NWD1: variants seen among roughly 807,000 people sequenced by gnomAD.
The protein encoded by NWD1 is NACHT domain- and WD repeat-containing protein 1.
In NWD1, 129 loss-of-function variants were observed where a neutral mutation model predicts 135.1. The ratio of observed to expected loss-of-function variants is 0.96; its 90% CI spans 0.83 to 1.11. The LOEUF (loss-of-function observed/expected upper bound fraction) is 1.11, where lower values mean the gene tolerates loss of function less well. Ranked by LOEUF, NWD1 falls within the 50% of genes least tolerant of loss-of-function variation. The pLI is 0.00. For synonymous variants in NWD1, 773 were observed against 786.0 expected (o/e 0.98, Z 0.28); for missense variants, 1,740 against 1,851.3 (o/e 0.94, Z 1.10).
rs748084052 is a variant in NWD1, at chr19:16,815,341, T to TA, written c.*309dup. ...GCCTGATAGTGTAAAAAAATAAAAATAAAAAAACCCTGTGGGGGTATGGGG... is the reference window on the plus strand; with the variant it reads ...GCCTGATAGTGTAAAAAAATAAAAATAAAAAAAACCCTGTGGGGGTATGGGG... On this transcript the variant is annotated 3_prime_UTR_variant, in exon 19 of 19. Transcript: ENST00000524140. 6 of 735,178 alleles carry TA rather than the reference T, an allele frequency of 8.2e-6. No individual in the cohort carries two copies. Among genetic ancestry groups the TA allele is most frequent in the Middle Eastern group, 2.6e-4 (1 of 3,828 alleles). The allele number at this position is 735,178 out of a possible 1,614,324, so 45.5% of individuals were successfully genotyped here.
intron 17 of NWD1, among the ~76,000 whole-genome samples, chr19:16,806,028 AC>A (rs1329247308): frequency 3.9e-5 from 6 of 152,086 alleles, no homozygotes; most frequent in African/African-American, 1.4e-4. Context: ...GCCTGCCACC[AC>A]GCCTGGTTAA....
At chr19:16,757,265 A>T (rs983905433) in intron 6 of NWD1, among the ~76,000 whole-genome samples, 1 of 151,990 alleles carries the variant, frequency 6.6e-6, no homozygotes, top group Non-Finnish European at 1.5e-5. Flanking sequence ...TCCCCACCCT[A>T]AAAAATGATC....
chr19:16,746,800 C>T, intron 5 of NWD1, among the ~76,000 whole-genome samples: 1 of 151,912 alleles, frequency 6.6e-6, no homozygotes, highest in Non-Finnish European at 1.5e-5. Context: ...ACAAAAATCA[C>T]AAGGAAGAGA....
In NWD1 at chr19:16,799,871, G is replaced by C. The variant is rs764794307; in HGVS notation, c.3460-15G>C. 1.2e-5 allele frequency: 19 copies of C among 1,586,796 alleles called. No homozygotes were observed. The highest frequency in any genetic ancestry group is 1.5e-5 in the Non-Finnish European group (17 of 1,166,022). ...CAGAAGATGTCAGATCTGCCCTCCT[G>C]TTCTGCTTCCTCAGGTGTGGAGTCT... On this transcript the variant is annotated splice_polypyrimidine_tract_variant and intron_variant, in intron 16 of 18. Coordinates refer to ENST00000524140, the MANE Select transcript of NWD1 (RefSeq NM_001007525.5).
chr19:16,766,773 A>T (rs1455370189), intron 10 of NWD1, among the ~76,000 whole-genome samples: 1 of 151,990 alleles, frequency 6.6e-6, no homozygotes, highest in Non-Finnish European at 1.5e-5. Context: ...TTTTGTAGAG[A>T]CGGGATTTTG....
At chr19:16,793,327 G>A (rs1268479044) in intron 14 of NWD1, among the ~76,000 whole-genome samples, 8 of 151,750 alleles carry the variant, frequency 5.3e-5, no homozygotes, top group South Asian at 2.1e-4. Context: ...TCGACCTCCC[G>A]GGCTCAAGAC....
At chr19:16,783,437 C>A (rs1391947321) in intron 12 of NWD1, among the ~76,000 whole-genome samples, 2 of 152,034 alleles carry the variant, frequency 1.3e-5, no homozygotes, top group African/African-American at 4.8e-5. Context: ...GAGTTTGAGA[C>A]CAGCCTGGCT....
chr19:16,748,385 AT>A (rs899585414), intron 5 of NWD1, among the ~76,000 whole-genome samples: 11 of 152,084 alleles, frequency 7.2e-5, no homozygotes, highest in South Asian at 4.1e-4. Flanking sequence ...GTTTTCAGGT[AT>A]TTTCAGCAGA....
rs749002654 is a variant in NWD1 at position 16,815,285 on chromosome 19, G to A, written c.*246G>A. 2.6e-6 allele frequency: 2 copies of A among 781,068 alleles called. No homozygotes were observed. Among genetic ancestry groups the A allele is most frequent in the Non-Finnish European group, 4.8e-6 (2 of 418,174 alleles). 48.4% of individuals were successfully genotyped at this position (781,068 alleles called of 1,614,324 possible). ...GGAGTCAGAAAGTGCCCAGGGAAAT[G>A]AAACCAAATCAAACAAATGCTCACA... On this transcript the variant is annotated 3_prime_UTR_variant, in exon 19 of 19. Transcript: ENST00000524140.
At chr19:16,779,615 A>G in intron 12 of NWD1, 150 bp downstream of exon 12, 1 of 705,418 alleles carries the variant, frequency 1.4e-6, no homozygotes, top group Non-Finnish European at 2.4e-6. Flanking sequence ...AACCATCCCC[A>G]AACACAGTAG....
intron 16 of NWD1, among the ~76,000 whole-genome samples, chr19:16,798,851 T>G (rs1043147844): frequency 6.6e-5 from 10 of 151,864 alleles, no homozygotes; most frequent in African/African-American, 2.4e-4. Flanking sequence ...GGTCTCAAAC[T>G]CCTGACCTCA....
intron 13 of NWD1, among the ~76,000 whole-genome samples, chr19:16,790,946 C>G (rs1003513038): frequency 6.6e-6 from 1 of 152,012 alleles, no homozygotes; most frequent in African/African-American, 2.4e-5. Context: ...AAATAAAATG[C>G]ATAGGCCGGG....
At chr19:16,760,235 A>G (rs1266170878) in intron 7 of NWD1, among the ~76,000 whole-genome samples, 2 of 34,294 alleles carry the variant, frequency 5.8e-5, no homozygotes, top group South Asian at 3.4e-3. Context: ...TCACCATTTT[A>G]TTTTATTTTA....
chr19:16,791,446 G>T lies in NWD1; in HGVS notation c.3037G>T (p.Ala1013Ser). Residue 1013 changes from alanine to serine, a missense_variant, in exon 14 of 19, where the codon GCC (alanine) becomes TCC (serine). Coordinates refer to ENST00000524140, the MANE Select transcript of NWD1 (RefSeq NM_001007525.5). ...GTGCATGGCCGTGCTGGCCTCCCAG[G>T]CCACACTGCTGACAGTGTCCAGGGA... ...WMCMAVLASQ[A>S]TLLTVSRDGV... 1 of 1,614,098 alleles carries T rather than the reference G, an allele frequency of 6.2e-7. No individual in the cohort carries two copies. The highest frequency in any genetic ancestry group is 8.5e-7 in the Non-Finnish European group (1 of 1,180,012).
chr19:16,776,646 G>T (rs1969610694), intron 11 of NWD1, among the ~76,000 whole-genome samples: 1 of 150,842 alleles, frequency 6.6e-6, no homozygotes, highest in East Asian at 2.0e-4. Context: ...AAAGTAAAAG[G>T]GGCTGAGCAC....
At position 16,744,440 on chromosome 19, in the gene NWD1, A is replaced by G. The variant is rs778255360; in HGVS notation, c.218A>G (p.Tyr73Cys). ...PAFVALIGDQ[Y>C]GPCLIPSRID... ...TGCCAGGCCCTCATCGGTGATCAGT[A>G]CGGCCCCTGTCTGATTCCCTCGCGG... is the stretch of plus-strand genomic sequence containing the variant. Residue 73 changes from tyrosine (Y) to cysteine (C), a missense_variant, in exon 5 of 19, where the codon TAC becomes TGC. Coordinates refer to ENST00000524140, the MANE Select transcript of NWD1 (RefSeq NM_001007525.5). The G allele has an allele frequency of 4.6e-6, 7 of 1,535,724 alleles. No homozygotes were observed. In the South Asian group the frequency reaches 7.1e-5, roughly 16 times the overall value.
chr19:16,764,463 A>T (rs1386657091), intron 9 of NWD1, among the ~76,000 whole-genome samples: 1 of 147,658 alleles, frequency 6.8e-6, no homozygotes, highest in Non-Finnish European at 1.5e-5. Context: ...TGAGCTGGTT[A>T]TAACCATCCA....
At position 16,791,376 on chromosome 19, in the gene NWD1, A is replaced by G; in HGVS notation, c.2967A>G (p.Ala989=). The change falls in exon 14 of 19, where the codon GCA becomes GCG. Residue 989 remains alanine, a synonymous_variant. Coordinates refer to ENST00000524140, the MANE Select transcript of NWD1 (RefSeq NM_001007525.5). ...SKINAWNLET[A]EPVFHILGDA... The stretch of plus-strand genomic sequence containing the variant: ...TCAATGCTTGGAATCTGGAAACTGC[A>G]GAGCCGGTATTCCATATCCTGGGAG... The G allele has an allele frequency of 6.2e-7, 1 of 1,614,058 alleles. No homozygotes were observed. The highest frequency in any genetic ancestry group is 8.5e-7 in the Non-Finnish European group (1 of 1,180,002).
In NWD1 at chr19:16,807,695, C is replaced by A. The variant is rs761897363; in HGVS notation, c.3846C>A (p.Phe1282Leu). 1.9e-6 allele frequency: 3 copies of A among 1,612,750 alleles called. No individual in the cohort carries two copies. Among genetic ancestry groups the A allele is most frequent in the African/African-American group, 2.7e-5 (2 of 74,962 alleles). Reference sequence around the variant, plus strand: ...TCGTGTCGGGGGTCGTCCTTGTGTTCCCCCTGAATTCCAGGCAGGACGTGA... The same window carrying A: ...TCGTGTCGGGGGTCGTCCTTGTGTTACCCCTGAATTCCAGGCAGGACGTGA... ...TGLVSGVVLV[F>L]PLNSRQDVIC... is the part of the protein sequence containing the mutation. Residue 1282 changes from phenylalanine to leucine, a missense_variant, in exon 18 of 19, where the codon TTC becomes TTA. Coordinates refer to ENST00000524140, the MANE Select transcript of NWD1 (RefSeq NM_001007525.5).
Sources: allele counts gnomAD v4.1 joint callset (sites outside exome capture counted in the v4.1 genomes callset), GRCh38; gene constraint gnomAD v4.1.1; transcripts MANE v1.5; gene names NCBI Gene and HGNC (gene_info 2026-07-23, HGNC 2026-07-21).